The following DCP2 variants were observed in gnomAD, a reference collection of about 807,000 sequenced individuals.
DCP2 encodes the protein decapping mRNA 2.
A neutral mutation model predicts 56.1 loss-of-function variants in DCP2; 30 were observed. The observed-to-expected ratio is 0.53, with a 90% CI of 0.40 to 0.73. The LOEUF is 0.73. Among genes scored for constraint, DCP2 ranks in the 30% least tolerant of loss-of-function variants. The pLI, the probability that DCP2 is intolerant of heterozygous loss-of-function variation, is 0.00. For synonymous variants in DCP2, 197 were observed against 163.3 expected (o/e 1.21, Z -1.57); for missense variants, 533 against 502.7 (o/e 1.06, Z -0.58).
rs61417979 is a variant in DCP2 at position 113,010,735 on chromosome 5, GTTT to G, written c.1048-9_1048-7del. ...CTGTGTTGTATGTGTGTGTGTGTGT[GTTT>G]TTTTTTTTTTTAAATAGAAGTGTGA... On this transcript the variant is annotated intron_variant, in intron 9 of 10. Coordinates refer to ENST00000389063, the MANE Select transcript of DCP2 (RefSeq NM_152624.6). 1.5e-3 allele frequency: 1,566 copies of G among 1,060,698 alleles called. No homozygotes were observed. Among genetic ancestry groups the G allele is most frequent in the South Asian group, 2.5e-3 (101 of 41,180 alleles). 65.7% of individuals were successfully genotyped at this position (1,060,698 alleles called of 1,614,324 possible). A position where few individuals can be genotyped will look rare whatever the true frequency, so the allele number is the denominator to read the frequency against.
intron 2 of DCP2, 134 bp from the exon 3 acceptor site, chr5:112,991,982 CCAAAA>C (rs1367351441): frequency 7.8e-7 from 1 of 1,285,714 alleles, no homozygotes; most frequent in East Asian, 2.6e-5. Flanking sequence ...TGGTGCCTGG[CCAAAA>C]TGCTACACTT....
chr5:112,994,771 C>G (rs577346009), intron 4 of DCP2, among the ~76,000 whole-genome samples: 1 of 152,206 alleles, frequency 6.6e-6, no homozygotes, highest in East Asian at 1.9e-4. Flanking sequence ...TTACCCAGTA[C>G]CCTAGAGACT....
At position 113,020,865 on chromosome 5, in the gene DCP2, A is replaced by AAGGT. The variant is rs1750088421; in HGVS notation, c.*7382_*7385dup. The stretch of plus-strand genomic sequence containing the variant: ...TTACAAAATACAATTTGAACGATGG[A>AAGGT]AGGTTGTTCAGATACTGGCTTTCTG... On this transcript the variant is annotated 3_prime_UTR_variant, in exon 11 of 11. Transcript: ENST00000389063. The AAGGT allele has an allele frequency of 6.6e-6, 1 of 152,222 alleles. No homozygotes were observed. Among genetic ancestry groups the AAGGT allele is most frequent in the Non-Finnish European group, 1.5e-5 (1 of 68,040 alleles). 9.4% of individuals were successfully genotyped at this position (152,222 alleles called of 1,614,324 possible).
chr5:113,010,833 A>G (rs1233122883), intron 10 of DCP2, 26 bp downstream of exon 10: 3 of 1,587,734 alleles, frequency 1.9e-6, no homozygotes, highest in Non-Finnish European at 2.6e-6. Flanking sequence ...TCTTTTTATA[A>G]TCTCTGCCTT....
At chr5:112,978,387 A>G (rs897329221) in intron 1 of DCP2, among the ~76,000 whole-genome samples, 1 of 152,178 alleles carries the variant, frequency 6.6e-6, no homozygotes, top group African/African-American at 2.4e-5. Flanking sequence ...ATCTGCGCAA[A>G]CAGATTCAGG....
intron 4 of DCP2, among the ~76,000 whole-genome samples, chr5:112,999,948 C>G (rs1749064500): frequency 6.6e-6 from 1 of 150,860 alleles, no homozygotes; most frequent in Admixed American, 6.6e-5. Flanking sequence ...GTAATCCCAG[C>G]TGCTCAGGAG....
intron 10 of DCP2, among the ~76,000 whole-genome samples, chr5:113,012,058 G>C (rs1749699102): frequency 6.6e-6 from 1 of 152,194 alleles, no homozygotes; most frequent in African/African-American, 2.4e-5. Context: ...GTGGGGACAT[G>C]TTAGGTGGAT....
At position 113,008,009 on chromosome 5, in the gene DCP2, G is replaced by A. The variant is rs188299867; in HGVS notation, c.1014G>A (p.Gly338=). 3.7e-6 allele frequency: 6 copies of A among 1,613,910 alleles called. No individual in the cohort carries two copies. The highest frequency in any genetic ancestry group is 1.3e-5 in the African/African-American group (1 of 75,018). The change falls in exon 9 of 11, where the codon GGG becomes GGA. Residue 338 remains glycine (G), a synonymous_variant. Transcript: ENST00000389063. ...CTAATCAAAAGAAAAGAACAAATGG[G>A]CTTCAGCCAGCAAAGCAGCAGAATT... ...DSPNQKKRTN[G]LQPAKQQNSL... is the part of the protein sequence containing the mutation.
At chr5:113,000,410 A>ACCCACACC (rs1561697546) in intron 4 of DCP2, among the ~76,000 whole-genome samples, 1 of 103,346 alleles carries the variant, frequency 9.7e-6, no homozygotes, top group African/African-American at 3.4e-5. Context: ...ACACACACAC[A>ACCCACACC]CACACACACA....
Position 113,021,782 on chromosome 5 carries a change from A to G in DCP2, c.*8298A>G, listed in dbSNP as rs146550342. Among the ~76,000 whole-genome samples, 49 of 152,336 alleles carry G rather than the reference A, an allele frequency of 3.2e-4. No homozygotes were observed. The East Asian group carries it at 5.8e-3, about 18-fold the overall frequency. On this transcript the variant is annotated 3_prime_UTR_variant, in exon 11 of 11. Coordinates refer to ENST00000389063, the MANE Select transcript of DCP2 (RefSeq NM_152624.6). ...CAGATGTGTTGCAAAGCTGCTTGCC[A>G]TCTTGTTGTCCTATATGACTTCCTT...
chr5:112,980,562 C>G (rs1747955954), intron 1 of DCP2, among the ~76,000 whole-genome samples: 2 of 142,362 alleles, frequency 1.4e-5, no homozygotes, highest in South Asian at 2.2e-4. Flanking sequence ...CACGTCCATA[C>G]ACATATGTAC....
At chr5:112,983,975 A>G (rs1383579457) in intron 1 of DCP2, 2 of 152,190 alleles carry the variant, frequency 1.3e-5, no homozygotes, top group Non-Finnish European at 2.9e-5. Flanking sequence ...CCTTCACAGG[A>G]TATGTGAGGA....
chr5:112,984,695 A>ATATATATATATATATATATATATATAT (rs1332407058), intron 1 of DCP2: 4 of 75,734 alleles, frequency 5.3e-5, no homozygotes, highest in African/African-American at 7.9e-5. Context: ...TTAAAAAAAA[A>ATATATATATATATATATATATATATAT]AAAAAAAAAT....
chr5:112,986,499 A>G (rs115743518), intron 2 of DCP2, among the ~76,000 whole-genome samples: 2,293 of 151,340 alleles, frequency 0.015, 55 homozygotes, highest in African/African-American at 0.052. Context: ...CATTCCTGCT[A>G]ATTTTTTTTT....
At chr5:113,000,527 A>C (rs947523683) in intron 4 of DCP2, among the ~76,000 whole-genome samples, 2 of 152,150 alleles carry the variant, frequency 1.3e-5, no homozygotes, top group African/African-American at 4.8e-5. Flanking sequence ...AACCAGCCTT[A>C]ATTGTTAAAA....
intron 10 of DCP2, among the ~76,000 whole-genome samples, chr5:113,012,010 G>A (rs575538719): frequency 1.3e-5 from 2 of 152,312 alleles, no homozygotes; most frequent in South Asian, 4.1e-4. Flanking sequence ...GGGGGTATAA[G>A]TCTTCTTAAT....
intron 2 of DCP2, among the ~76,000 whole-genome samples, chr5:112,987,461 G>T (rs572186796): frequency 1.3e-5 from 2 of 151,658 alleles, no homozygotes; most frequent in African/African-American, 4.8e-5. Flanking sequence ...CCCCCCGCCC[G>T]CCCGACAAAC....
At chr5:112,993,882 A>G (rs1162724716) in intron 4 of DCP2, among the ~76,000 whole-genome samples, 1 of 151,924 alleles carries the variant, frequency 6.6e-6, no homozygotes, top group African/African-American at 2.4e-5. Flanking sequence ...ATAAATATGA[A>G]CACATACACA....
At chr5:112,979,620 T>C (rs1022669580) in intron 1 of DCP2, among the ~76,000 whole-genome samples, 10 of 152,306 alleles carry the variant, frequency 6.6e-5, no homozygotes, top group Admixed American at 2.0e-4. Context: ...AAATTACATG[T>C]TTCTGTTAAA....
Sources: gnomAD v4.1 joint callset for allele counts (sites outside exome capture counted in the v4.1 genomes callset) on GRCh38, gnomAD v4.1.1 for gene constraint, MANE v1.5 for transcripts, NCBI Gene and HGNC (gene_info 2026-07-23, HGNC 2026-07-21) for gene names.